Variants in KCNH8 observed in about 807,000 individuals in gnomAD.
KCNH8 encodes the protein voltage-gated delayed rectifier potassium channel KCNH8.
KCNH8 carries 70 observed loss-of-function variants against 103.6 expected under a neutral mutation model. The ratio of observed to expected loss-of-function variants is 0.68; its 90% confidence interval spans 0.56 to 0.82. KCNH8 has a LOEUF of 0.82. Among genes scored for constraint, KCNH8 ranks in the 40% least tolerant of loss-of-function variants. The pLI is 0.00. For synonymous variants in KCNH8, 498 were observed against 489.4 expected (o/e 1.02, Z -0.23); for missense variants, 1,217 against 1,329.9 (o/e 0.92, Z 1.32).
At chr3:19,165,499 GC>G (rs2063274282) in intron 1 of KCNH8, among the ~76,000 whole-genome samples, 1 of 152,104 alleles carries the variant, frequency 6.6e-6, no homozygotes, top group Non-Finnish European at 1.5e-5. Context: ...TCATTAGCAA[GC>G]TTTGGACTTA....
At chr3:19,234,313 G>A (rs1218037624) in intron 1 of KCNH8, among the ~76,000 whole-genome samples, 1 of 152,198 alleles carries the variant, frequency 6.6e-6, no homozygotes, top group Non-Finnish European at 1.5e-5. Context: ...TGGTCCATGG[G>A]ACTGGGCGCC....
chr3:19,502,624 A>G (rs980571305), intron 11 of KCNH8, among the ~76,000 whole-genome samples: 6 of 152,136 alleles, frequency 3.9e-5, no homozygotes, highest in African/African-American at 7.2e-5. Context: ...ATAACGCCAC[A>G]TATCTACAAC....
chr3:19,450,069 AT>A, intron 8 of KCNH8, 36 bp from the exon 9 acceptor site: 1 of 1,570,486 alleles, frequency 6.4e-7, no homozygotes, highest in Non-Finnish European at 8.7e-7. Flanking sequence ...CTCATGTCAC[AT>A]TTCTCTTCCA....
At chr3:19,263,059 C>A (rs1051119527) in intron 2 of KCNH8, among the ~76,000 whole-genome samples, 2 of 151,964 alleles carry the variant, frequency 1.3e-5, no homozygotes, top group East Asian at 1.9e-4. Context: ...TAAATGGTAG[C>A]CTTGGCAGCA....
At chr3:19,513,384 A>G in intron 13 of KCNH8, 59 bp downstream of exon 13, 1 of 1,518,158 alleles carries the variant, frequency 6.6e-7, no homozygotes, top group Non-Finnish European at 8.8e-7. Flanking sequence ...TATACAGAGT[A>G]GTACCTGCCT....
At chr3:19,505,073 GTATATA>G (rs1006079251) in intron 11 of KCNH8, among the ~76,000 whole-genome samples, 8 of 144,960 alleles carry the variant, frequency 5.5e-5, no homozygotes, top group Non-Finnish European at 1.0e-4. Flanking sequence ...CTCTATATAT[GTATATA>G]TAGATACACA....
At chr3:19,404,171 T>A (rs1207366983) in intron 7 of KCNH8, among the ~76,000 whole-genome samples, 1 of 151,926 alleles carries the variant, frequency 6.6e-6, no homozygotes, top group Non-Finnish European at 1.5e-5. Flanking sequence ...GCTTTTTCTG[T>A]ATTTCCTGTC....
chr3:19,283,382 T>C (rs889561413), intron 3 of KCNH8, among the ~76,000 whole-genome samples: 4 of 152,204 alleles, frequency 2.6e-5, no homozygotes, highest in African/African-American at 9.6e-5. Flanking sequence ...GACTATCTCT[T>C]GCAAGATTTA....
chr3:19,170,892 A>G (rs1270121971), intron 1 of KCNH8, among the ~76,000 whole-genome samples: 1 of 149,234 alleles, frequency 6.7e-6, no homozygotes. Flanking sequence ...GCTCACTGCA[A>G]GCTCCGCCTC....
In KCNH8 at chr3:19,451,203, T is replaced by C. The variant is rs1296817276; in HGVS notation, c.1624T>C (p.Leu542=). The change falls in exon 10 of 16, where the codon TTG becomes CTG. Residue 542 remains leucine, a synonymous_variant. Coordinates refer to ENST00000328405, the MANE Select transcript of KCNH8 (RefSeq NM_144633.3). ...DELRSDITMH[L]NKEILQLSLF... ...ACTGCGTTCTGACATCACTATGCAC[T>C]TGAACAAGGAGATCTTACAGTTGTC... The C allele has an allele frequency of 6.2e-7, 1 of 1,613,846 alleles. No individual in the cohort carries two copies. The highest frequency in any genetic ancestry group is 2.2e-5 in the East Asian group (1 of 44,866).
At chr3:19,472,372 A>G (rs1023236686) in intron 11 of KCNH8, among the ~76,000 whole-genome samples, 2 of 152,158 alleles carry the variant, frequency 1.3e-5, no homozygotes, top group Non-Finnish European at 2.9e-5. Context: ...TGTAGTTCTC[A>G]TAATTCCCAC....
intron 2 of KCNH8, among the ~76,000 whole-genome samples, chr3:19,255,845 C>T (rs542698810): frequency 6.6e-6 from 1 of 152,072 alleles, no homozygotes; most frequent in South Asian, 2.1e-4. Context: ...GCTAGAAAAC[C>T]AGTTTCAACC....
intron 3 of KCNH8, among the ~76,000 whole-genome samples, chr3:19,323,670 C>T (rs2065381467): frequency 6.6e-6 from 1 of 152,100 alleles, no homozygotes; most frequent in South Asian, 2.1e-4. Context: ...GATTGCTGTT[C>T]AGATTTTTTT....
intron 1 of KCNH8, among the ~76,000 whole-genome samples, chr3:19,248,204 T>G (rs2064230729): frequency 6.6e-6 from 1 of 152,150 alleles, no homozygotes; most frequent in African/African-American, 2.4e-5. Context: ...AATACAAATT[T>G]GTTGGCCAGT....
intron 15 of KCNH8, among the ~76,000 whole-genome samples, chr3:19,520,234 C>CCCGAGATGACACACATCTTT (rs2068948676): frequency 6.6e-6 from 1 of 150,904 alleles, no homozygotes; most frequent in African/African-American, 2.4e-5. Flanking sequence ...CCCCTAGCCC[C>CCCGAGATGACACACATCTTT]CCGAGATGAC....
At chr3:19,385,323 A>T (rs1460081222) in intron 5 of KCNH8, among the ~76,000 whole-genome samples, 1 of 152,178 alleles carries the variant, frequency 6.6e-6, no homozygotes, top group Non-Finnish European at 1.5e-5. Context: ...TACATTGGTC[A>T]TGTATCAATA....
intron 1 of KCNH8, among the ~76,000 whole-genome samples, chr3:19,232,977 A>G (rs1450407845): frequency 2.6e-5 from 4 of 151,948 alleles, no homozygotes; most frequent in African/African-American, 9.7e-5. Context: ...TAAGTCCCCT[A>G]TTAGTAGTGC....
At chr3:19,253,934 T>C in intron 2 of KCNH8, 47 bp downstream of exon 2, 1 of 1,354,028 alleles carries the variant, frequency 7.4e-7, no homozygotes, top group Non-Finnish European at 1.1e-6. Flanking sequence ...TGAGAGGCCG[T>C]CTTCTTTCAA....
chr3:19,457,720 A>T (rs1431079712), intron 11 of KCNH8, among the ~76,000 whole-genome samples: 2 of 152,120 alleles, frequency 1.3e-5, no homozygotes, highest in East Asian at 3.9e-4. Flanking sequence ...GCTTTGTCCC[A>T]GATATTTGTA....
Sources: gnomAD v4.1 joint callset for allele counts (sites outside exome capture counted in the v4.1 genomes callset) on GRCh38, gnomAD v4.1.1 for gene constraint, MANE v1.5 for transcripts, NCBI Gene and HGNC (gene_info 2026-07-23, HGNC 2026-07-21) for gene names.